The following COL26A1 variants were observed in gnomAD, a reference collection of about 807,000 sequenced individuals.
COL26A1 encodes the protein collagen type XXVI alpha 1 chain.
A neutral mutation model predicts 59.3 loss-of-function variants in COL26A1; 41 were observed. That is an observed-to-expected ratio of 0.69 (90% confidence interval 0.54 to 0.90). COL26A1 has a LOEUF of 0.90. COL26A1 is among the 40% of genes least tolerant of loss of function. The pLI is 0.00. For missense variants in COL26A1, 612 were observed against 602.3 expected (o/e 1.02, Z -0.17); for synonymous variants, 266 against 256.0 (o/e 1.04, Z -0.37).
intron 3 of COL26A1, among the ~76,000 whole-genome samples, chr7:101,474,244 G>A (rs551447857): frequency 1.2e-4 from 18 of 152,256 alleles, no homozygotes; most frequent in African/African-American, 3.4e-4. Context: ...ACCAGAAACC[G>A]GGCTTGCTTT....
intron 9 of COL26A1, 58 bp from the exon 10 acceptor site, chr7:101,551,050 G>T: frequency 3.9e-6 from 6 of 1,527,160 alleles, no homozygotes; most frequent in Non-Finnish European, 5.3e-6. Context: ...TGGCCAGAGG[G>T]CACTGGAGAC....
At chr7:101,387,526 G>A (rs1050920924) in intron 1 of COL26A1, among the ~76,000 whole-genome samples, 3 of 149,752 alleles carry the variant, frequency 2.0e-5, no homozygotes, top group African/African-American at 4.9e-5. Context: ...CCTAACAGAC[G>A]ATTTACTGTC....
At chr7:101,528,502 C>T (rs1006885908) in intron 3 of COL26A1, among the ~76,000 whole-genome samples, 1 of 151,286 alleles carries the variant, frequency 6.6e-6, no homozygotes, top group South Asian at 2.1e-4. Flanking sequence ...TTGCTTTTCC[C>T]TTCCCTCCCC....
intron 3 of COL26A1, among the ~76,000 whole-genome samples, chr7:101,470,767 A>G (rs1442200709): frequency 6.6e-6 from 1 of 151,968 alleles, no homozygotes; most frequent in African/African-American, 2.4e-5. Flanking sequence ...GATTGATTAC[A>G]TCATTGGCCA....
At chr7:101,406,344 C>T (rs1792128697) in intron 1 of COL26A1, among the ~76,000 whole-genome samples, 1 of 152,146 alleles carries the variant, frequency 6.6e-6, no homozygotes, top group South Asian at 2.1e-4. Flanking sequence ...CATGGTGTTA[C>T]ATACACTCGG....
At chr7:101,462,750 G>T (rs1793646174) in intron 3 of COL26A1, among the ~76,000 whole-genome samples, 1 of 152,106 alleles carries the variant, frequency 6.6e-6, no homozygotes, top group Non-Finnish European at 1.5e-5. Flanking sequence ...TCAGTAGCTG[G>T]CAGGGCAGGA....
At chr7:101,534,650 CATAT>C (rs1257704287) in intron 4 of COL26A1, among the ~76,000 whole-genome samples, 1 of 108,782 alleles carries the variant, frequency 9.2e-6, no homozygotes, top group African/African-American at 5.2e-5. Flanking sequence ...GGCACACATA[CATAT>C]ACACACACAC....
chr7:101,401,703 T>G (rs375214928), intron 1 of COL26A1, among the ~76,000 whole-genome samples: 584 of 111,236 alleles, frequency 5.3e-3, no homozygotes, highest in East Asian at 8.1e-3. Context: ...GGAGGAAGAG[T>G]AGGAGGTAGA....
At position 101,464,473 on chromosome 7, in the gene COL26A1, C is replaced by T. The variant is rs1325929115; in HGVS notation, c.385+16686C>T. 4.6e-5 allele frequency among the ~76,000 whole-genome samples: 7 copies of T among 151,528 alleles called. No homozygotes were observed. In the South Asian group the frequency reaches 8.3e-4, roughly 18 times the overall value. On this transcript the variant is annotated intron_variant, in intron 3 of 12. Coordinates refer to ENST00000313669, the MANE Select transcript of COL26A1 (RefSeq NM_001278563.3). ...TGTTGCCCAGGCTGAGGTGCAATGGCGCGATCTCAGCTCACCACAACTCTG... is the reference window on the plus strand; with the variant it reads ...TGTTGCCCAGGCTGAGGTGCAATGGTGCGATCTCAGCTCACCACAACTCTG...
chr7:101,415,907 A>G (rs563898336), intron 1 of COL26A1, among the ~76,000 whole-genome samples: 2 of 148,404 alleles, frequency 1.3e-5, no homozygotes, highest in Non-Finnish European at 3.0e-5. Flanking sequence ...TGCTGGGATT[A>G]TAGGCGTGAG....
intron 4 of COL26A1, among the ~76,000 whole-genome samples, chr7:101,534,502 A>G (rs951542501): frequency 6.6e-6 from 1 of 152,112 alleles, no homozygotes; most frequent in African/African-American, 2.4e-5. Context: ...ATATACACAT[A>G]CAGACACACA....
chr7:101,420,149 G>A (rs1015208581), intron 2 of COL26A1, 50 bp downstream of exon 2: 2 of 1,601,786 alleles, frequency 1.2e-6, no homozygotes, highest in Non-Finnish European at 1.7e-6. Context: ...CATTCCCTCG[G>A]ACAAAACCAG....
chr7:101,417,017 C>T (rs898642249), intron 1 of COL26A1, among the ~76,000 whole-genome samples: 5 of 152,114 alleles, frequency 3.3e-5, no homozygotes, highest in African/African-American at 1.2e-4. Flanking sequence ...GCTGGGATTA[C>T]GGGTGTGAGC....
chr7:101,474,354 T>C (rs887975539), intron 3 of COL26A1, among the ~76,000 whole-genome samples: 7 of 151,934 alleles, frequency 4.6e-5, no homozygotes, highest in African/African-American at 1.7e-4. Context: ...CCCAGCACTT[T>C]GGGAGGTCGA....
intron 3 of COL26A1, among the ~76,000 whole-genome samples, chr7:101,523,156 G>A (rs898239472): frequency 1.1e-4 from 17 of 150,412 alleles, no homozygotes; most frequent in African/African-American, 3.2e-4. Flanking sequence ...CACAACCTCC[G>A]CCTCCCGGGT....
In COL26A1 at chr7:101,452,269, C is replaced by T. The variant is rs138018168; in HGVS notation, c.385+4482C>T. On this transcript the variant is annotated intron_variant, in intron 3 of 12. Coordinates refer to ENST00000313669, the MANE Select transcript of COL26A1 (RefSeq NM_001278563.3). ...TAGCCCATGGCAGCAGGTGGCAGGA[C>T]CGTGGGAGGACAGTCCCTGCTGACT... Among the ~76,000 whole-genome samples the T allele has an allele frequency of 3.8e-3, 586 of 152,222 alleles. 4 individuals carry two copies. Among genetic ancestry groups the T allele is most frequent in the Middle Eastern group, 0.014 (4 of 294 alleles).
At chr7:101,397,588 G>A (rs1791891701) in intron 1 of COL26A1, among the ~76,000 whole-genome samples, 1 of 132,804 alleles carries the variant, frequency 7.5e-6, no homozygotes, top group East Asian at 2.5e-4. Context: ...CCAGGGTGAT[G>A]TGCAATGGTG....
chr7:101,429,275 A>G (rs958611796), intron 2 of COL26A1, among the ~76,000 whole-genome samples: 1 of 151,934 alleles, frequency 6.6e-6, no homozygotes, highest in Non-Finnish European at 1.5e-5. Context: ...ATTTAAATTC[A>G]TCATACATTT....
chr7:101,484,295 A>G (rs1794221462), intron 3 of COL26A1, among the ~76,000 whole-genome samples: 1 of 152,160 alleles, frequency 6.6e-6, no homozygotes. Context: ...TAAGGAACTT[A>G]TGCAAGATGC....
Sources: allele counts gnomAD v4.1 joint callset (sites outside exome capture counted in the v4.1 genomes callset), GRCh38; gene constraint gnomAD v4.1.1; transcripts MANE v1.5; gene names NCBI Gene and HGNC (gene_info 2026-07-23, HGNC 2026-07-21).